The following MYO9A variants were observed in gnomAD, a reference collection of about 807,000 sequenced individuals.
MYO9A encodes the protein myosin IXA, also known as unconventional myosin-IXa.
Under a neutral mutation model 293.3 loss-of-function variants are expected in MYO9A, and 103 were observed. The ratio of observed to expected loss-of-function variants is 0.35; its 90% CI spans 0.30 to 0.41. The LOEUF is 0.41. Ranked by LOEUF, MYO9A falls within the 10% of genes least tolerant of loss-of-function variation. MYO9A has a pLI of 1.00. For synonymous variants in MYO9A, 1,001 were observed against 1,035.7 expected (o/e 0.97, Z 0.64); for missense variants, 2,685 against 3,033.0 (o/e 0.89, Z 2.69).
At chr15:71,984,612 A>G (rs1185505806) in intron 11 of MYO9A, among the ~76,000 whole-genome samples, 2 of 152,146 alleles carry the variant, frequency 1.3e-5, no homozygotes, top group Non-Finnish European at 2.9e-5. Context: ...CTCTTAGAGT[A>G]TAAGTCTCTT....
intron 5 of MYO9A, among the ~76,000 whole-genome samples, chr15:72,020,153 A>G (rs1399172861): frequency 6.6e-6 from 1 of 152,192 alleles, no homozygotes; most frequent in Non-Finnish European, 1.5e-5. Flanking sequence ...TTTAATGGTC[A>G]TAAAGGGATT....
In MYO9A at chr15:71,826,521, C is replaced by A; in HGVS notation, c.*59G>T. The A allele has an allele frequency of 6.8e-7, 1 of 1,477,416 alleles. No individual in the cohort carries two copies. Among genetic ancestry groups the A allele is most frequent in the Non-Finnish European group, 9.1e-7 (1 of 1,098,570 alleles). 91.5% of individuals were successfully genotyped at this position (1,477,416 alleles called of 1,614,324 possible). On this transcript the variant is annotated 3_prime_UTR_variant, in exon 42 of 42. Coordinates refer to ENST00000356056, the MANE Select transcript of MYO9A (RefSeq NM_006901.4). ...TTGTGGACGAGGTGATGAAACGCAG[C>A]CCCAAAGGTGAGATTTGTTTACCAC...
rs1214871338 is a variant in MYO9A at position 71,850,053 on chromosome 15, G to A, written c.6696C>T (p.Asp2232=). The A allele has an allele frequency of 1.9e-6, 3 of 1,613,868 alleles. No homozygotes were observed. The East Asian group carries it at 6.7e-5, about 36-fold the overall frequency. The change falls in exon 38 of 42, where the codon GAC becomes GAT. Residue 2232 remains aspartate (D), a synonymous_variant. Coordinates refer to ENST00000356056, the MANE Select transcript of MYO9A (RefSeq NM_006901.4). ...GGCCTTACGTGGTAGTCTTACTGAT[G>A]TCCTGTACACTTTGTAGTGGGTCAG... The part of the protein sequence containing the change: ...DTTDPLQSVQ[D]ISKTTTCVEL...
chr15:71,971,953 T>A (rs539879738), intron 12 of MYO9A, among the ~76,000 whole-genome samples: 1 of 152,118 alleles, frequency 6.6e-6, no homozygotes, highest in African/African-American at 2.4e-5. Flanking sequence ...CCTTCTTCTG[T>A]CCTCCTTTTA....
At chr15:71,947,177 G>C (rs1244677161) in intron 15 of MYO9A, among the ~76,000 whole-genome samples, 2 of 151,738 alleles carry the variant, frequency 1.3e-5, no homozygotes, top group African/African-American at 2.4e-5. Flanking sequence ...AGGTGCTTGG[G>C]AGGCTAAGGC....
At chr15:71,908,812 A>C (rs1449475536) in intron 19 of MYO9A, among the ~76,000 whole-genome samples, 2 of 152,188 alleles carry the variant, frequency 1.3e-5, no homozygotes, top group Non-Finnish European at 2.9e-5. Context: ...TTTATGTTGC[A>C]CATTCTCTGG....
At chr15:72,051,490 GCCCAAGCTGCAGCTGCAGA>G (rs1013337266) in intron 1 of MYO9A, among the ~76,000 whole-genome samples, 7 of 152,050 alleles carry the variant, frequency 4.6e-5, no homozygotes, top group African/African-American at 1.7e-4. Flanking sequence ...AGCTGCAGCC[GCCCAAGCTGCAGCTGCAGA>G]CCCAGGCATG....
chr15:71,975,490 A>G (rs975033083), intron 12 of MYO9A, among the ~76,000 whole-genome samples: 8 of 150,638 alleles, frequency 5.3e-5, no homozygotes, highest in African/African-American at 2.0e-4. Context: ...GTCTTTTGTT[A>G]TAATGTTGGG....
chr15:71,917,800 T>C (rs560662689), intron 18 of MYO9A, among the ~76,000 whole-genome samples: 1 of 152,214 alleles, frequency 6.6e-6, no homozygotes, highest in South Asian at 2.1e-4. Context: ...TCTTAATGTA[T>C]GAGAAACAAA....
chr15:71,836,515 T>C (rs1215070531), intron 39 of MYO9A, among the ~76,000 whole-genome samples: 1 of 152,006 alleles, frequency 6.6e-6, no homozygotes, highest in Admixed American at 6.6e-5. Flanking sequence ...TGTATATTTC[T>C]CCAACAAAAA....
intron 39 of MYO9A, 73 bp downstream of exon 39, chr15:71,848,772 A>G (rs2055501836): frequency 2.6e-6 from 4 of 1,509,482 alleles, no homozygotes; most frequent in Non-Finnish European, 3.6e-6. Context: ...TAATCCTTGT[A>G]TACACCACAA....
intron 8 of MYO9A, among the ~76,000 whole-genome samples, chr15:72,002,084 C>T (rs2076882267): frequency 6.6e-6 from 1 of 151,948 alleles, no homozygotes; most frequent in Non-Finnish European, 1.5e-5. Context: ...GCAAGACCTC[C>T]TCTCTACTAA....
chr15:72,022,317 C>A (rs1342505503), intron 4 of MYO9A, among the ~76,000 whole-genome samples: 1 of 151,866 alleles, frequency 6.6e-6, no homozygotes, highest in African/African-American at 2.4e-5. Context: ...GTCAAGAGAT[C>A]GAGATCATCC....
intron 30 of MYO9A, among the ~76,000 whole-genome samples, chr15:71,879,410 G>A (rs2625525): frequency 0.013 from 1,914 of 152,190 alleles, 51 homozygotes; most frequent in African/African-American, 0.044. Context: ...AAAGGATTAT[G>A]AAAAGTCACA....
Position 72,118,122 on chromosome 15 carries a change from C to T in MYO9A, c.-514G>A, listed in dbSNP as rs566220011. On this transcript the variant is annotated 5_prime_UTR_variant, in exon 1 of 42. Coordinates refer to ENST00000356056, the MANE Select transcript of MYO9A (RefSeq NM_006901.4). ...CACGCGGCCCCGCCCCGCGCGACTC[C>T]CCGGCTGCAGGCGAGCAGGCGCGCG... The T allele has an allele frequency of 7.0e-4, 271 of 384,870 alleles. 2 individuals carry two copies. The highest frequency in any genetic ancestry group is 4.8e-3 in the African/African-American group (232 of 47,918). The allele number at this position is 384,870 out of a possible 1,614,324, so 23.8% of individuals were successfully genotyped here.
chr15:72,108,708 T>C (rs1251638495), intron 1 of MYO9A, among the ~76,000 whole-genome samples: 3 of 152,186 alleles, frequency 2.0e-5, no homozygotes, highest in Non-Finnish European at 2.9e-5. Flanking sequence ...AAAATATGTA[T>C]TTCTTAGAAA....
In MYO9A at chr15:71,991,322, T is replaced by C. The variant is rs1262683232; in HGVS notation, c.1588-85A>G. 6 of 1,127,068 alleles carry C rather than the reference T, an allele frequency of 5.3e-6. No homozygotes were observed. The East Asian group carries it at 1.5e-4, about 28-fold the overall frequency. The allele number at this position is 1,127,068 out of a possible 1,614,324, so 69.8% of individuals were successfully genotyped here. ...ATCCACAACATAAGTAACAAAATGC[T>C]CAATTCCTCTAAAGCAGTGTACAGG... On this transcript the variant is annotated intron_variant, in intron 10 of 41. Transcript: ENST00000356056.
intron 23 of MYO9A, 91 bp downstream of exon 23, chr15:71,901,100 C>A: frequency 7.3e-7 from 1 of 1,362,622 alleles, no homozygotes; most frequent in Non-Finnish European, 9.8e-7. Context: ...CACATTATTA[C>A]TGAAAATGTT....
At chr15:71,865,892 C>T (rs1241090763) in intron 32 of MYO9A, among the ~76,000 whole-genome samples, 1 of 152,090 alleles carries the variant, frequency 6.6e-6, no homozygotes, top group East Asian at 1.9e-4. Context: ...TTGAGACAAC[C>T]ATCATATCAT....
Sources: allele counts gnomAD v4.1 joint callset (sites outside exome capture counted in the v4.1 genomes callset), GRCh38; gene constraint gnomAD v4.1.1; transcripts MANE v1.5; gene names NCBI Gene and HGNC (gene_info 2026-07-23, HGNC 2026-07-21).